Variants in MPZL1 observed in about 807,000 individuals in gnomAD.
The protein encoded by MPZL1 is myelin protein zero like 1.
A neutral mutation model predicts 29.3 loss-of-function variants in MPZL1; 16 were observed. The observed-to-expected ratio is 0.55, with a 90% CI of 0.37 to 0.83. MPZL1 has a LOEUF of 0.83. Ranked by LOEUF, MPZL1 falls within the 40% of genes least tolerant of loss-of-function variation. MPZL1 has a pLI of 0.00. For missense variants in MPZL1, 279 were observed against 332.9 expected (o/e 0.84, Z 1.26); for synonymous variants, 143 against 132.0 (o/e 1.08, Z -0.57).
intron 1 of MPZL1, among the ~76,000 whole-genome samples, chr1:167,732,558 T>C (rs1457236179): frequency 6.6e-6 from 1 of 152,188 alleles, no homozygotes; most frequent in African/African-American, 2.4e-5. Flanking sequence ...GCTCAGGTGA[T>C]CCTCCTGTCT....
chr1:167,780,263 TTAC>T (rs1341891370), intron 5 of MPZL1, among the ~76,000 whole-genome samples: 1 of 152,184 alleles, frequency 6.6e-6, no homozygotes, highest in Non-Finnish European at 1.5e-5. Context: ...GATGATTGTA[TTAC>T]TATAAATGGG....
intron 5 of MPZL1, among the ~76,000 whole-genome samples, chr1:167,786,409 A>G (rs1661594299): frequency 6.6e-6 from 1 of 152,230 alleles, no homozygotes; most frequent in East Asian, 1.9e-4. Flanking sequence ...TAACAACAAA[A>G]AACAAAAATG....
Position 167,744,490 on chromosome 1 carries a change from C to T in MPZL1, c.92-21093C>T, listed in dbSNP as rs2101761572. On this transcript the variant is annotated intron_variant, in intron 1 of 5. Transcript: ENST00000359523. ...CCTGAGGTCAGGAGTTTGAGACCAG[C>T]CTGGCCAACATGGCAAACCCCTGTC... Among the ~76,000 whole-genome samples, 3 of 152,124 alleles carry T rather than the reference C, an allele frequency of 2.0e-5. No individual in the cohort carries two copies. In the Middle Eastern group the frequency reaches 0.01, roughly 517 times the overall value.
intron 1 of MPZL1, among the ~76,000 whole-genome samples, chr1:167,748,073 A>G (rs533291663): frequency 6.6e-6 from 1 of 152,222 alleles, no homozygotes; most frequent in East Asian, 1.9e-4. Context: ...ATTTCTTTTT[A>G]TAGCCATAAT....
intron 5 of MPZL1, among the ~76,000 whole-genome samples, chr1:167,779,497 A>G (rs1661446626): frequency 6.6e-6 from 1 of 151,870 alleles, no homozygotes; most frequent in Non-Finnish European, 1.5e-5. Context: ...AGACAGGAGA[A>G]TTGCTTAAAC....
intron 1 of MPZL1, among the ~76,000 whole-genome samples, chr1:167,723,913 G>A (rs1366904647): frequency 6.6e-6 from 1 of 152,168 alleles, no homozygotes; most frequent in African/African-American, 2.4e-5. Flanking sequence ...GTTTTATCAA[G>A]ACAGTTACTC....
intron 1 of MPZL1, among the ~76,000 whole-genome samples, chr1:167,726,162 C>CA (rs1660141968): frequency 6.6e-6 from 1 of 152,154 alleles, no homozygotes; most frequent in Admixed American, 6.5e-5. Flanking sequence ...TGCCATCTTT[C>CA]TGCTCTGTGA....
chr1:167,729,808 C>G (rs1660226313), intron 1 of MPZL1, among the ~76,000 whole-genome samples: 1 of 152,164 alleles, frequency 6.6e-6, no homozygotes, highest in Non-Finnish European at 1.5e-5. Context: ...CACGCCTTTG[C>G]TAAACGATTT....
chr1:167,768,988 C>T (rs777615205), intron 2 of MPZL1, among the ~76,000 whole-genome samples: 2 of 152,202 alleles, frequency 1.3e-5, no homozygotes, highest in African/African-American at 2.4e-5. Flanking sequence ...ACAGATAAGA[C>T]ATGATCTCAC....
intron 1 of MPZL1, among the ~76,000 whole-genome samples, chr1:167,756,937 C>A (rs1332634467): frequency 3.9e-5 from 6 of 152,082 alleles, no homozygotes; most frequent in Non-Finnish European, 8.8e-5. Flanking sequence ...GAGTGTGGGG[C>A]AGACGCTAGG....
Position 167,726,330 on chromosome 1 carries a change from G to A in MPZL1, c.91+4088G>A, listed in dbSNP as rs534652991. Among the ~76,000 whole-genome samples the A allele has an allele frequency of 5.3e-5, 8 of 152,194 alleles. No homozygotes were observed. The South Asian group carries it at 8.3e-4, about 16-fold the overall frequency. On this transcript the variant is annotated intron_variant, in intron 1 of 5. Coordinates refer to ENST00000359523, the MANE Select transcript of MPZL1 (RefSeq NM_003953.6). ...ACCTGTTACTATTTGCTGGTTTGCC[G>A]TTTACTTCCTTATTGTAATTTCTAT... is the stretch of plus-strand genomic sequence containing the variant.
At position 167,773,356 on chromosome 1, in the gene MPZL1, G is replaced by A. The variant is rs749210015; in HGVS notation, c.593G>A (p.Arg198Gln). The A allele has an allele frequency of 3.2e-5, 52 of 1,613,456 alleles. No homozygotes were observed. Among genetic ancestry groups the A allele is most frequent in the Admixed American group, 1.7e-4 (10 of 59,910 alleles). The change falls in exon 4 of 6, where the codon CGG becomes CAG. Residue 198 changes from arginine to glutamine, a missense_variant. Arg to Gln is a conservative substitution (Grantham distance 43). Coordinates refer to ENST00000359523, the MANE Select transcript of MPZL1 (RefSeq NM_003953.6). ...CTCTATAGAAGGAAAAACTCTAAAC[G>A]GGATTACACTGGGTAAGAAACACTG... The part of the protein sequence containing the change: ...AVLYRRKNSK[R>Q]DYTGCSTSES...
At chr1:167,748,177 T>C (rs904416749) in intron 1 of MPZL1, among the ~76,000 whole-genome samples, 17 of 152,244 alleles carry the variant, frequency 1.1e-4, no homozygotes, top group African/African-American at 3.9e-4. Flanking sequence ...TTGCTATTGC[T>C]GAGTCATCAT....
intron 5 of MPZL1, among the ~76,000 whole-genome samples, chr1:167,779,972 T>A (rs1191493930): frequency 1.3e-5 from 2 of 152,216 alleles, no homozygotes; most frequent in African/African-American, 2.4e-5. Flanking sequence ...AGAGGGACTT[T>A]TTATGATGAT....
chr1:167,741,752 G>T (rs1201176840), intron 1 of MPZL1, among the ~76,000 whole-genome samples: 2 of 152,064 alleles, frequency 1.3e-5, no homozygotes, highest in Admixed American at 6.6e-5. Flanking sequence ...TTTAGTCTTG[G>T]CTGGGCACTG....
chr1:167,778,571 T>C lies in MPZL1; in HGVS notation c.708+2405T>C, dbSNP rs927661835. On this transcript the variant is annotated intron_variant, in intron 5 of 5. Transcript: ENST00000359523. ...ATGGATGGATGGATGGATGGATAGA[T>C]TTAAAAAAATAATAATTTAATAATT... Among the ~76,000 whole-genome samples the C allele has an allele frequency of 7.3e-5, 11 of 151,396 alleles. No homozygotes were observed. The East Asian group carries it at 2.1e-3, about 29-fold the overall frequency.
Position 167,773,358 on chromosome 1 carries a change from G to T in MPZL1, c.595G>T (p.Asp199Tyr). The change falls in exon 4 of 6, where the codon GAT (aspartate) becomes TAT (tyrosine). Residue 199 changes from aspartate to tyrosine, a missense_variant. Coordinates refer to ENST00000359523, the MANE Select transcript of MPZL1 (RefSeq NM_003953.6). ...VLYRRKNSKR[D>Y]YTGCSTSESL... Reference sequence around the variant, plus strand: ...CTATAGAAGGAAAAACTCTAAACGGGATTACACTGGGTAAGAAACACTGTT... The same window carrying T: ...CTATAGAAGGAAAAACTCTAAACGGTATTACACTGGGTAAGAAACACTGTT... 1 of 1,613,508 alleles carries T rather than the reference G, an allele frequency of 6.2e-7. No individual in the cohort carries two copies. Among genetic ancestry groups the T allele is most frequent in the Non-Finnish European group, 8.5e-7 (1 of 1,179,736 alleles).
At chr1:167,781,884 A>T (rs1018064540) in intron 5 of MPZL1, among the ~76,000 whole-genome samples, 1 of 151,798 alleles carries the variant, frequency 6.6e-6, no homozygotes, top group Non-Finnish European at 1.5e-5. Flanking sequence ...ATTTCATTGG[A>T]CCTCCTGAGT....
chr1:167,745,348 C>A (rs1378181441), intron 1 of MPZL1, among the ~76,000 whole-genome samples: 1 of 152,038 alleles, frequency 6.6e-6, no homozygotes, highest in Non-Finnish European at 1.5e-5. Context: ...AAAAATCTTG[C>A]ATTGTACTAA....
Sources: allele counts gnomAD v4.1 joint callset (sites outside exome capture counted in the v4.1 genomes callset), GRCh38; gene constraint gnomAD v4.1.1; transcripts MANE v1.5; gene names NCBI Gene and HGNC (gene_info 2026-07-23, HGNC 2026-07-21).